Variants in GPC5 observed in about 807,000 individuals in gnomAD.
GPC5 encodes the protein glypican-5.
Under a neutral mutation model 53.9 loss-of-function variants are expected in GPC5, and 47 were observed. That is an observed-to-expected ratio of 0.87 (90% CI 0.69 to 1.11). The LOEUF (loss-of-function observed/expected upper bound fraction) is 1.11. Among genes scored for constraint, GPC5 ranks in the 50% most tolerant of loss-of-function variants. The probability of loss-of-function intolerance (pLI) is 0.00; values close to 1 mark genes in which losing one functional copy is unlikely to be tolerated. For synonymous variants in GPC5, 286 were observed against 263.3 expected, an observed-to-expected ratio of 1.09 and a Z score of -0.84; for missense variants, 748 against 713.1, an observed-to-expected ratio of 1.05 and a Z score of -0.56.
chr13:91,410,558 G>A (rs556356319), intron 1 of GPC5, among the ~76,000 whole-genome samples: 4 of 151,698 alleles, frequency 2.6e-5, no homozygotes, highest in South Asian at 2.1e-4. Context: ...GTGTTAGCCA[G>A]GATGGTCTCG....
intron 5 of GPC5, among the ~76,000 whole-genome samples, chr13:91,879,274 A>T (rs1209927516): frequency 2.0e-5 from 3 of 152,158 alleles, no homozygotes; most frequent in African/African-American, 7.2e-5. Context: ...TAAATAGTAA[A>T]AGTGTGCATC....
At chr13:91,820,101 T>G (rs11841339) in intron 5 of GPC5, among the ~76,000 whole-genome samples, 21,147 of 152,138 alleles carry the variant, frequency 0.14, 1,597 homozygotes, top group African/African-American at 0.19. Flanking sequence ...ATTGTCATTG[T>G]TGGTGGTGGT....
chr13:91,536,165 G>T (rs1451311484), intron 2 of GPC5, among the ~76,000 whole-genome samples: 2 of 152,100 alleles, frequency 1.3e-5, no homozygotes, highest in African/African-American at 4.8e-5. Context: ...AATGTTGGAG[G>T]AAGAACATTT....
intron 2 of GPC5, among the ~76,000 whole-genome samples, chr13:91,637,497 G>A (rs1481886090): frequency 6.6e-6 from 1 of 152,216 alleles, no homozygotes; most frequent in Admixed American, 6.5e-5. Context: ...ATATAGTCAT[G>A]TAGGATGAAA....
chr13:91,868,941 AT>A (rs2039113870), intron 5 of GPC5, among the ~76,000 whole-genome samples: 1 of 152,196 alleles, frequency 6.6e-6, no homozygotes, highest in African/African-American at 2.4e-5. Flanking sequence ...GAAGAGGAAC[AT>A]TTCACTTTTT....
chr13:92,746,677 T>A (rs1449526146), intron 7 of GPC5, among the ~76,000 whole-genome samples: 1 of 152,128 alleles, frequency 6.6e-6, no homozygotes, highest in African/African-American at 2.4e-5. Flanking sequence ...ACTTCATAGA[T>A]TTCGTAGATT....
At chr13:91,863,357 C>T (rs1033668670) in intron 5 of GPC5, among the ~76,000 whole-genome samples, 3 of 151,986 alleles carry the variant, frequency 2.0e-5, no homozygotes, top group Non-Finnish European at 1.5e-5. Context: ...TGTTGCTTCT[C>T]CTAAAGGGGA....
chr13:91,817,223 T>C (rs1367147933), intron 5 of GPC5, among the ~76,000 whole-genome samples: 2 of 152,204 alleles, frequency 1.3e-5, no homozygotes, highest in African/African-American at 4.8e-5. Context: ...ATTCGAATTC[T>C]TTTGGATTAT....
At chr13:91,961,110 C>T (rs925817478) in intron 6 of GPC5, among the ~76,000 whole-genome samples, 1 of 151,824 alleles carries the variant, frequency 6.6e-6, no homozygotes, top group Non-Finnish European at 1.5e-5. Context: ...ACGAGGCAAA[C>T]TGTTGAAATG....
intron 6 of GPC5, among the ~76,000 whole-genome samples, chr13:92,069,841 C>G (rs965192214): frequency 4.6e-5 from 7 of 152,066 alleles, no homozygotes; most frequent in Non-Finnish European, 8.8e-5. Context: ...TGAGATTCTG[C>G]CTTATGTCTT....
chr13:92,216,318 G>A (rs2139081480), intron 7 of GPC5, among the ~76,000 whole-genome samples: 1 of 152,286 alleles, frequency 6.6e-6, no homozygotes, highest in Non-Finnish European at 1.5e-5. Context: ...TTGACACAAT[G>A]AGTATTGTCA....
intron 6 of GPC5, among the ~76,000 whole-genome samples, chr13:92,039,772 A>C (rs1192334113): frequency 1.3e-5 from 2 of 152,082 alleles, no homozygotes; most frequent in Non-Finnish European, 2.9e-5. Flanking sequence ...ATGTGTGTGC[A>C]CATGTCTGTT....
At chr13:91,602,385 A>C (rs1370248921) in intron 2 of GPC5, among the ~76,000 whole-genome samples, 1 of 152,254 alleles carries the variant, frequency 6.6e-6, no homozygotes, top group African/African-American at 2.4e-5. Context: ...TGATTAGAGC[A>C]CAGGAGATAA....
intron 7 of GPC5, among the ~76,000 whole-genome samples, chr13:92,527,299 G>GA (rs1323931742): frequency 1.3e-5 from 2 of 151,628 alleles, no homozygotes; most frequent in Non-Finnish European, 2.9e-5. Context: ...AACAGGCAAA[G>GA]AGAGCCCAAA....
chr13:91,780,476 A>G (rs1017411395), intron 5 of GPC5, among the ~76,000 whole-genome samples: 22 of 148,086 alleles, frequency 1.5e-4, no homozygotes, highest in African/African-American at 5.3e-4. Flanking sequence ...CTTCTTCCTC[A>G]CTCTCCCTTC....
intron 7 of GPC5, among the ~76,000 whole-genome samples, chr13:92,412,426 G>C (rs1876086887): frequency 6.6e-6 from 1 of 152,186 alleles, no homozygotes; most frequent in Non-Finnish European, 1.5e-5. Context: ...CGTGTGTTCA[G>C]TAGGAAACTA....
intron 2 of GPC5, among the ~76,000 whole-genome samples, chr13:91,477,844 A>T (rs561067138): frequency 1.3e-4 from 20 of 152,282 alleles, no homozygotes; most frequent in Middle Eastern, 3.4e-3. Context: ...TCCAGGCACA[A>T]GGGAGAGTTA....
intron 5 of GPC5, among the ~76,000 whole-genome samples, chr13:91,759,642 C>G (rs1271869762): frequency 6.6e-6 from 1 of 152,024 alleles, no homozygotes; most frequent in Non-Finnish European, 1.5e-5. Flanking sequence ...CTTTCTGTGC[C>G]TGGCTTATTT....
intron 7 of GPC5, among the ~76,000 whole-genome samples, chr13:92,655,287 A>G (rs1426380710): frequency 6.8e-6 from 1 of 146,312 alleles, no homozygotes; most frequent in Non-Finnish European, 1.5e-5. Flanking sequence ...GGAAATGAAG[A>G]GTTGATTGCT....
Sources: allele counts gnomAD v4.1 joint callset (sites outside exome capture counted in the v4.1 genomes callset), GRCh38; gene constraint gnomAD v4.1.1; transcripts MANE v1.5; gene names NCBI Gene and HGNC (gene_info 2026-07-23, HGNC 2026-07-21).